The following ST7 variants were observed in gnomAD, a reference collection of about 807,000 sequenced individuals.
ST7 encodes suppressor of tumorigenicity 7 protein.
In ST7, 28 loss-of-function variants were observed where a neutral mutation model predicts 78.7. That is an observed-to-expected ratio of 0.36 (90% CI 0.26 to 0.49). The LOEUF (loss-of-function observed/expected upper bound fraction) is 0.49, where lower values mean the gene tolerates loss of function less well. ST7 is among the 20% of genes least tolerant of loss of function. The pLI, the probability that ST7 is intolerant of heterozygous loss-of-function variation, is 0.99. For synonymous variants in ST7, 247 were observed against 249.6 expected (o/e 0.99, Z 0.10); for missense variants, 418 against 696.0 (o/e 0.60, Z 4.49).
intron 1 of ST7, among the ~76,000 whole-genome samples, chr7:117,086,048 C>A (rs1800119486): frequency 1.3e-5 from 2 of 152,132 alleles, no homozygotes; most frequent in Non-Finnish European, 2.9e-5. Flanking sequence ...CTCCCTCCCC[C>A]TTGTTTTCTT....
At position 117,209,881 on chromosome 7, in the gene ST7, C is replaced by T. The variant is rs1266362124; in HGVS notation, c.1349C>T (p.Ala450Val). 3 of 1,614,174 alleles carry T rather than the reference C, an allele frequency of 1.9e-6. No individual in the cohort carries two copies. Among genetic ancestry groups the T allele is most frequent in the Non-Finnish European group, 8.5e-7 (1 of 1,180,022 alleles). Reference protein sequence around the residue: ...EAIAYAFFHLAHWKRVEGALN... With the variant: ...EAIAYAFFHLVHWKRVEGALN... ...ATAGCATATGCATTCTTTCATCTTGCACACTGGAAGAGAGTGGAAGGGGCT... is the reference window on the plus strand; with the variant it reads ...ATAGCATATGCATTCTTTCATCTTGTACACTGGAAGAGAGTGGAAGGGGCT... The change falls in exon 13 of 16, where the codon GCA becomes GTA. Residue 450 changes from alanine to valine, a missense_variant. Ala to Val is a moderately conservative substitution (Grantham distance 64, BLOSUM62 0). Around this residue, in one of 4 missense-constraint regions of ST7, gnomAD observed 288 missense variants for 537.1 expected, o/e 0.54. Transcript: ENST00000323984.
chr7:117,151,019 G>T (rs898458522), intron 9 of ST7, among the ~76,000 whole-genome samples: 1 of 152,196 alleles, frequency 6.6e-6, no homozygotes, highest in African/African-American at 2.4e-5. Context: ...CATGTACACA[G>T]TCTAGTCACT....
intron 9 of ST7, among the ~76,000 whole-genome samples, chr7:117,165,393 G>T (rs146498687): frequency 6.6e-6 from 1 of 152,078 alleles, no homozygotes; most frequent in Non-Finnish European, 1.5e-5. Context: ...GAGTCAAAAC[G>T]TACAGGTTCT....
At position 117,050,787 on chromosome 7, in the gene ST7, G is replaced by A. The variant is rs146585204; in HGVS notation, c.152-48975G>A. ...CTACTAAAAATACAAAAATTTAGCT[G>A]GGCGTGATGGCGCACGCCTGTAGTC... is the stretch of plus-strand genomic sequence containing the variant. On this transcript the variant is annotated intron_variant, in intron 1 of 15. Transcript: ENST00000323984. 7.9e-5 allele frequency among the ~76,000 whole-genome samples: 12 copies of A among 152,160 alleles called. No homozygotes were observed. The East Asian group carries it at 1.5e-3, about 20-fold the overall frequency.
At chr7:117,093,246 A>G (rs1584634623) in intron 1 of ST7, among the ~76,000 whole-genome samples, 1 of 152,216 alleles carries the variant, frequency 6.6e-6, no homozygotes, top group Admixed American at 6.5e-5. Context: ...CACAGGACTA[A>G]TCACAATGTG....
At chr7:117,210,900 AAG>A (rs1222800355) in intron 13 of ST7, among the ~76,000 whole-genome samples, 1 of 152,236 alleles carries the variant, frequency 6.6e-6, no homozygotes, top group Non-Finnish European at 1.5e-5. Flanking sequence ...AAACTAAAAC[AAG>A]AGAGTCTTCT....
chr7:117,083,381 G>A (rs1799924692), intron 1 of ST7, among the ~76,000 whole-genome samples: 2 of 152,034 alleles, frequency 1.3e-5, no homozygotes, highest in Admixed American at 1.3e-4. Flanking sequence ...TCAACCTCCC[G>A]AGTAGTTGGG....
At chr7:117,046,290 C>T (rs553110016) in intron 1 of ST7, among the ~76,000 whole-genome samples, 1 of 152,246 alleles carries the variant, frequency 6.6e-6, no homozygotes, top group South Asian at 2.1e-4. Flanking sequence ...GGCAAGGCTT[C>T]GTTTTTCTGT....
intron 1 of ST7, among the ~76,000 whole-genome samples, chr7:117,048,716 A>T (rs1797615587): frequency 6.6e-6 from 1 of 152,190 alleles, no homozygotes; most frequent in Non-Finnish European, 1.5e-5. Context: ...TCTAGCAGGA[A>T]GTTATTGTTT....
At chr7:117,215,617 T>C (rs1792629478) in intron 13 of ST7, among the ~76,000 whole-genome samples, 1 of 152,212 alleles carries the variant, frequency 6.6e-6, no homozygotes, top group African/African-American at 2.4e-5. Context: ...CGCAAAGTCA[T>C]ACGCTAGTGA....
chr7:116,969,990 G>T (rs1039991872), intron 1 of ST7, among the ~76,000 whole-genome samples: 1 of 152,100 alleles, frequency 6.6e-6, no homozygotes, highest in Non-Finnish European at 1.5e-5. Flanking sequence ...CAGGAGAATC[G>T]TTTGAACCCA....
intron 1 of ST7, among the ~76,000 whole-genome samples, chr7:117,054,769 G>A (rs1797977011): frequency 6.6e-6 from 1 of 152,198 alleles, no homozygotes; most frequent in South Asian, 2.1e-4. Context: ...TCTGACAGAT[G>A]TTTGTCACTG....
chr7:117,059,722 G>A (rs1235699034), intron 1 of ST7, among the ~76,000 whole-genome samples: 2 of 144,250 alleles, frequency 1.4e-5, no homozygotes, highest in Non-Finnish European at 3.0e-5. Flanking sequence ...TGTAATCCCA[G>A]CACTTTGGGA....
chr7:116,971,907 T>G (rs1338155282), intron 1 of ST7, among the ~76,000 whole-genome samples: 1 of 152,248 alleles, frequency 6.6e-6, no homozygotes, highest in African/African-American at 2.4e-5. Context: ...AATATGCCTT[T>G]TAAAGACATT....
chr7:117,092,940 G>C (rs1295140557), intron 1 of ST7, among the ~76,000 whole-genome samples: 1 of 152,164 alleles, frequency 6.6e-6, no homozygotes, highest in Non-Finnish European at 1.5e-5. Flanking sequence ...TTATGGTTTA[G>C]GCTTTAACAT....
chr7:117,082,350 C>G (rs1204598263), intron 1 of ST7, among the ~76,000 whole-genome samples: 14 of 152,094 alleles, frequency 9.2e-5, no homozygotes, highest in African/African-American at 3.4e-4. Context: ...CAGAAATACC[C>G]AATTTGACTA....
rs1386934699 is a variant in ST7, at chr7:116,964,113, A to G, written c.151+10422A>G. On this transcript the variant is annotated intron_variant, in intron 1 of 15. Transcript: ENST00000323984. ...ACTCTGAAGTATAAAATCGTCTTAAATAAGGAAGTAGTTTTTACACATAAG... is the reference window on the plus strand; with the variant it reads ...ACTCTGAAGTATAAAATCGTCTTAAGTAAGGAAGTAGTTTTTACACATAAG... Among the ~76,000 whole-genome samples the G allele has an allele frequency of 5.3e-5, 8 of 152,376 alleles. No homozygotes were observed. The East Asian group carries it at 1.5e-3, about 29-fold the overall frequency.
At chr7:116,954,981 C>T in intron 1 of ST7, 1 of 358,916 alleles carries the variant, frequency 2.8e-6, no homozygotes, top group Non-Finnish European at 5.6e-6. Context: ...TAGTATCCCT[C>T]GGGATCGTGT....
At position 117,069,425 on chromosome 7, in the gene ST7, A is replaced by G. The variant is rs559886464; in HGVS notation, c.152-30337A>G. ...TATAACTTAAGTTTTCTGGATGTAG[A>G]TTTTGCAGAAAGAGGAAGTAAATAC... On this transcript the variant is annotated intron_variant, in intron 1 of 15. Transcript: ENST00000323984. Among the ~76,000 whole-genome samples the G allele has an allele frequency of 2.6e-5, 4 of 152,348 alleles. No individual in the cohort carries two copies. In the South Asian group the frequency reaches 8.3e-4, roughly 32 times the overall value.
Sources: allele counts gnomAD v4.1 joint callset (sites outside exome capture counted in the v4.1 genomes callset), GRCh38; gene constraint gnomAD v4.1.1; regional missense constraint gnomAD v4.1.1; transcripts MANE v1.5; gene names NCBI Gene and HGNC (gene_info 2026-07-23, HGNC 2026-07-21).